The following IPO9 variants were observed in gnomAD, a reference collection of about 807,000 sequenced individuals.
IPO9 encodes the protein importin 9.
A neutral mutation model predicts 128.6 loss-of-function variants in IPO9; 28 were observed. The observed-to-expected ratio is 0.22, with a 90% CI of 0.16 to 0.30. The LOEUF (loss-of-function observed/expected upper bound fraction) is 0.30. Ranked by LOEUF, IPO9 falls within the 10% of genes least tolerant of loss-of-function variation. The probability of loss-of-function intolerance (pLI) is 1.00; values close to 1 mark genes in which losing one functional copy is unlikely to be tolerated. For missense variants in IPO9, 935 were observed against 1,293.9 expected (o/e 0.72, Z 4.26); for synonymous variants, 455 against 475.8 (o/e 0.96, Z 0.57).
At position 201,870,868 on chromosome 1, in the gene IPO9, CA is replaced by C; in HGVS notation, c.2409+11del. 6.3e-7 allele frequency: 1 copy of C among 1,598,648 alleles called. No homozygotes were observed. Among genetic ancestry groups the C allele is most frequent in the Non-Finnish European group, 8.5e-7 (1 of 1,170,106 alleles). ...GCTCAGTGTCATGCAGGTAAGAGAG[CA>C]GTGGGGAGTGGGCTTCCTACTCCCT... On this transcript the variant is annotated intron_variant, in intron 18 of 23. Coordinates refer to ENST00000361565, the MANE Select transcript of IPO9 (RefSeq NM_018085.5). The surrounding 1 kb of genome is among the most constrained non-coding windows in gnomAD (Gnocchi z 4.9).
rs1179824525 is a variant in IPO9, at chr1:201,879,679, AATAAC to A, written c.*3628_*3632del. ...AACATTTCAATAAATGCAGATTGATAATAACATCTGTGCAGAGTTGAGGACTATAG... is the reference window on the plus strand; with the variant it reads ...AACATTTCAATAAATGCAGATTGATAATCTGTGCAGAGTTGAGGACTATAG... On this transcript the variant is annotated 3_prime_UTR_variant, in exon 24 of 24. Coordinates refer to ENST00000361565, the MANE Select transcript of IPO9 (RefSeq NM_018085.5). 1 of 152,232 alleles carries A rather than the reference AATAAC, an allele frequency of 6.6e-6. No homozygotes were observed. Among genetic ancestry groups the A allele is most frequent in the Non-Finnish European group, 1.5e-5 (1 of 68,034 alleles). The allele number at this position is 152,232 out of a possible 1,614,324, so 9.4% of individuals were successfully genotyped here.
chr1:201,874,068 T>TA (rs1328721152), intron 20 of IPO9, among the ~76,000 whole-genome samples, 182 bp from the exon 21 acceptor site: 2 of 152,222 alleles, frequency 1.3e-5, no homozygotes, highest in Non-Finnish European at 2.9e-5. Flanking sequence ...TCTGAACTGT[T>TA]ACAATACCAA....
chr1:201,859,097 T>TA, intron 13 of IPO9, 103 bp downstream of exon 13: 1 of 1,174,884 alleles, frequency 8.5e-7, no homozygotes, highest in Non-Finnish European at 1.2e-6. Flanking sequence ...AGTGACAAGT[T>TA]AATGGGTGCA....
intron 19 of IPO9, 119 bp from the exon 20 acceptor site, chr1:201,872,709 T>A: frequency 8.7e-7 from 1 of 1,144,650 alleles, no homozygotes; most frequent in Non-Finnish European, 1.2e-6. Context: ...GCTCTCCTAA[T>A]TAGTTGTTAA....
intron 1 of IPO9, among the ~76,000 whole-genome samples, chr1:201,830,306 C>T: frequency 6.6e-6 from 1 of 152,212 alleles, no homozygotes; most frequent in Non-Finnish European, 1.5e-5. Flanking sequence ...AATACTTCAT[C>T]AGAGATATGG....
Position 201,863,735 on chromosome 1 carries a change from G to A in IPO9, c.1628+128G>A, listed in dbSNP as rs1352707560. 3 of 827,686 alleles carry A rather than the reference G, an allele frequency of 3.6e-6. No homozygotes were observed. In the East Asian group the frequency reaches 8.4e-5, roughly 23 times the overall value. The allele number at this position is 827,686 out of a possible 1,614,324, so 51.3% of individuals were successfully genotyped here. A position where few individuals can be genotyped will look rare whatever the true frequency, so the allele number is the denominator to read the frequency against. On this transcript the variant is annotated intron_variant, in intron 14 of 23. Coordinates refer to ENST00000361565, the MANE Select transcript of IPO9 (RefSeq NM_018085.5). ...AATGATATCCTTCAGGGTGAATGTT[G>A]GAAGGACAGGGAAAGAAACCATGCT...
Position 201,877,487 on chromosome 1 carries a change from T to TCTCA in IPO9, c.*1434_*1435insTCAC, listed in dbSNP as rs1440459792. ...CGTTGCATTCCAAGGCAAGACTCAA[T>TCTCA]CACACACACACACACACACACACAC... On this transcript the variant is annotated 3_prime_UTR_variant, in exon 24 of 24. Transcript: ENST00000361565. The TCTCA allele has an allele frequency of 6.7e-6, 1 of 149,998 alleles. No homozygotes were observed. The highest frequency in any genetic ancestry group is 1.5e-5 in the Non-Finnish European group (1 of 67,260). The allele number at this position is 149,998 out of a possible 1,614,324, so 9.3% of individuals were successfully genotyped here. A position where few individuals can be genotyped will look rare whatever the true frequency, so the allele number is the denominator to read the frequency against.
At chr1:201,849,198 T>A (rs1361525087) in intron 4 of IPO9, among the ~76,000 whole-genome samples, 1 of 152,230 alleles carries the variant, frequency 6.6e-6, no homozygotes, top group Non-Finnish European at 1.5e-5. Context: ...TATCTTTTCC[T>A]TCTCTCTGTT....
chr1:201,874,134 C>A, intron 20 of IPO9, 116 bp from the exon 21 acceptor site: 1 of 1,005,460 alleles, frequency 9.9e-7, no homozygotes, highest in Non-Finnish European at 1.5e-6. Flanking sequence ...TAGTCAGGTA[C>A]AGTGAAAGTC....
rs746568889 is a variant in IPO9 at position 201,854,663 on chromosome 1, G to T, written c.759G>T (p.Gln253His). The T allele has an allele frequency of 6.2e-7, 1 of 1,614,214 alleles. No homozygotes were observed. The highest frequency in any genetic ancestry group is 1.3e-5 in the African/African-American group (1 of 75,050). Reference protein sequence around the residue: ...QFTEAFVQALQIPDGPTSDSG... With the variant: ...QFTEAFVQALHIPDGPTSDSG... ...CAGAGGCCTTTGTTCAGGCCCTCCAGATACCAGATGGCCCCACATCTGACA... is the reference window on the plus strand; with the variant it reads ...CAGAGGCCTTTGTTCAGGCCCTCCATATACCAGATGGCCCCACATCTGACA... Residue 253 changes from glutamine to histidine, a missense_variant, in exon 7 of 24, where the codon CAG becomes CAT. Around this residue, in one of 3 missense-constraint regions of IPO9, gnomAD observed 741 missense variants for 1,019.1 expected, o/e 0.73. Transcript: ENST00000361565.
chr1:201,879,559 TAAG>T lies in IPO9; in HGVS notation c.*3508_*3510del, dbSNP rs1460405269. The T allele has an allele frequency of 6.6e-6, 1 of 152,166 alleles. No individual in the cohort carries two copies. Among genetic ancestry groups the T allele is most frequent in the Non-Finnish European group, 1.5e-5 (1 of 68,016 alleles). The allele number at this position is 152,166 out of a possible 1,614,324, so 9.4% of individuals were successfully genotyped here. A position where few individuals can be genotyped will look rare whatever the true frequency, so the allele number is the denominator to read the frequency against. On this transcript the variant is annotated 3_prime_UTR_variant, in exon 24 of 24. Coordinates refer to ENST00000361565, the MANE Select transcript of IPO9 (RefSeq NM_018085.5). ...GAGTGCTGATCAAATTTTTAGATAA[TAAG>T]AAACCCTTAGGAAGGATGACAATTT...
intron 16 of IPO9, 107 bp from the exon 17 acceptor site, chr1:201,869,483 A>G: frequency 1.5e-6 from 2 of 1,349,844 alleles, no homozygotes; most frequent in Non-Finnish European, 2.0e-6. Flanking sequence ...TTCATTAATA[A>G]GCTTTCTCTG....
intron 1 of IPO9, among the ~76,000 whole-genome samples, chr1:201,845,770 A>C (rs911541823): frequency 6.6e-6 from 1 of 152,338 alleles, no homozygotes; most frequent in Admixed American, 6.5e-5. Flanking sequence ...CTCAAGTCTC[A>C]CCAGCCACAT....
intron 20 of IPO9, among the ~76,000 whole-genome samples, chr1:201,873,675 A>T (rs1680702928): frequency 6.6e-6 from 1 of 152,014 alleles, no homozygotes; most frequent in Non-Finnish European, 1.5e-5. Context: ...TGAACCCGGG[A>T]GGTGGAGGTT....
intron 15 of IPO9, 119 bp from the exon 16 acceptor site, chr1:201,868,529 A>T (rs1034936234): frequency 2.3e-5 from 24 of 1,064,788 alleles, no homozygotes; most frequent in Non-Finnish European, 3.0e-5. Context: ...CGGGTATGTG[A>T]TAAGTAATCA....
chr1:201,863,224 C>T (rs1477488936), intron 13 of IPO9: 9 of 268,546 alleles, frequency 3.4e-5, no homozygotes, highest in Admixed American at 9.5e-5. Context: ...TGGTGGCAGG[C>T]GCCTGTGATC....
At chr1:201,836,798 T>C (rs16849383) in intron 1 of IPO9, among the ~76,000 whole-genome samples, 4,999 of 152,274 alleles carry the variant, frequency 0.033, 139 homozygotes, top group African/African-American at 0.076. Flanking sequence ...TGTCTTTGAA[T>C]TTTTGAGGCT....
intron 13 of IPO9, among the ~76,000 whole-genome samples, chr1:201,859,464 A>G (rs1270403221): frequency 1.3e-5 from 2 of 151,940 alleles, no homozygotes; most frequent in Non-Finnish European, 2.9e-5. Flanking sequence ...TGGCATTTGA[A>G]TGGAATCCAA....
intron 20 of IPO9, among the ~76,000 whole-genome samples, chr1:201,873,804 C>G (rs1247489751): frequency 6.6e-6 from 1 of 152,098 alleles, no homozygotes; most frequent in Non-Finnish European, 1.5e-5. Context: ...CTTCCAGCTT[C>G]ATTCAGAAGC....
Sources: gnomAD v4.1 joint callset for allele counts (sites outside exome capture counted in the v4.1 genomes callset) on GRCh38, gnomAD v4.1.1 for gene constraint, gnomAD v4.1.1 regional missense constraint, Gnocchi (gnomAD v3.1) non-coding constraint, MANE v1.5 for transcripts, NCBI Gene and HGNC (gene_info 2026-07-23, HGNC 2026-07-21) for gene names.